Variants in PRKCB observed in about 807,000 individuals in gnomAD.
PRKCB encodes the protein protein kinase C beta type.
Under a neutral mutation model 81.5 loss-of-function variants are expected in PRKCB, and 13 were observed. The ratio of observed to expected loss-of-function variants is 0.16; its 90% CI spans 0.10 to 0.25. The LOEUF is 0.25. PRKCB is among the 10% of genes least tolerant of loss of function. The pLI, the probability that PRKCB is intolerant of heterozygous loss-of-function variation, is 1.00. For synonymous variants in PRKCB, 335 were observed against 321.4 expected (o/e 1.04, Z -0.45); for missense variants, 509 against 875.7 (o/e 0.58, Z 5.29).
chr16:24,219,351 T>C lies in PRKCB; in HGVS notation c.*4535T>C. 2 of 985,196 alleles carry C rather than the reference T, an allele frequency of 2.0e-6. No homozygotes were observed. Among genetic ancestry groups the C allele is most frequent in the Non-Finnish European group, 2.4e-6 (2 of 830,000 alleles). The allele number at this position is 985,196 out of a possible 1,614,324, so 61.0% of individuals were successfully genotyped here. A position where few individuals can be genotyped will look rare whatever the true frequency, so the allele number is the denominator to read the frequency against. ...TTTGTTGACACATGCTAAAAATGTCTTTGGAGAGAACTTCTGCCTGATAAA... is the reference window on the plus strand; with the variant it reads ...TTTGTTGACACATGCTAAAAATGTCCTTGGAGAGAACTTCTGCCTGATAAA... On this transcript the variant is annotated 3_prime_UTR_variant, in exon 17 of 17. Transcript: ENST00000643927.
intron 1 of PRKCB, among the ~76,000 whole-genome samples, chr16:23,836,772 G>GGGGC (rs1420486619): frequency 6.6e-6 from 1 of 151,402 alleles, no homozygotes; most frequent in Admixed American, 6.6e-5. Context: ...TGTTTCCGGG[G>GGGGC]GGGGCGGCGC....
intron 3 of PRKCB, among the ~76,000 whole-genome samples, chr16:24,018,046 C>A (rs1056730012): frequency 7.9e-5 from 12 of 151,520 alleles, no homozygotes; most frequent in Admixed American, 2.6e-4. Context: ...CTACAGGTGC[C>A]CGCCACCACG....
At position 24,216,573 on chromosome 16, in the gene PRKCB, T is replaced by TAAGA; in HGVS notation, c.*1758_*1761dup. On this transcript the variant is annotated 3_prime_UTR_variant, in exon 17 of 17. Transcript: ENST00000643927. ...AACAACTTGACAAATGTCCTTGAAG[T>TAAGA]AAGATGCCTCATCTTTAGGGAAAAA... is the stretch of plus-strand genomic sequence containing the variant. The TAAGA allele has an allele frequency of 1.0e-6, 1 of 985,456 alleles. No individual in the cohort carries two copies. Among genetic ancestry groups the TAAGA allele is most frequent in the South Asian group, 4.7e-5 (1 of 21,286 alleles). 61.0% of individuals were successfully genotyped at this position (985,456 alleles called of 1,614,324 possible).
chr16:23,976,584 G>A (rs1328682485), intron 2 of PRKCB, among the ~76,000 whole-genome samples: 2 of 152,180 alleles, frequency 1.3e-5, no homozygotes, highest in African/African-American at 4.8e-5. Flanking sequence ...GAAGCATGGA[G>A]GATGGGTGCT....
At chr16:24,105,996 A>G (rs1238907980) in intron 7 of PRKCB, among the ~76,000 whole-genome samples, 2 of 147,944 alleles carry the variant, frequency 1.4e-5, no homozygotes, top group South Asian at 4.2e-4. Context: ...TTTTTTTTTC[A>G]TCTCCTTCTA....
chr16:23,923,498 G>A (rs1349411408), intron 2 of PRKCB, among the ~76,000 whole-genome samples: 2 of 152,070 alleles, frequency 1.3e-5, no homozygotes, highest in African/African-American at 2.4e-5. Context: ...TTGGAGTTCC[G>A]GATGGAATTA....
intron 16 of PRKCB, among the ~76,000 whole-genome samples, chr16:24,193,351 A>G (rs968229862): frequency 2.6e-5 from 4 of 151,874 alleles, no homozygotes; most frequent in Admixed American, 6.6e-5. Context: ...AGGCTGAGGC[A>G]GGAGAATCAC....
intron 12 of PRKCB, among the ~76,000 whole-genome samples, chr16:24,175,358 C>T (rs1443324619): frequency 6.6e-6 from 1 of 151,826 alleles, no homozygotes; most frequent in Non-Finnish European, 1.5e-5. Context: ...GTTTGACACA[C>T]ATTTATCAAA....
intron 2 of PRKCB, among the ~76,000 whole-genome samples, chr16:23,924,572 A>T (rs1963872008): frequency 6.6e-6 from 1 of 151,760 alleles, no homozygotes; most frequent in East Asian, 1.9e-4. Flanking sequence ...ATATTAATTA[A>T]TTTTTCAATA....
intron 5 of PRKCB, among the ~76,000 whole-genome samples, chr16:24,052,715 G>C (rs150847040): frequency 1.3e-5 from 2 of 152,316 alleles, no homozygotes; most frequent in African/African-American, 2.4e-5. Context: ...ACTGTATAAT[G>C]AGCAGCAAAG....
At chr16:24,009,319 A>G (rs755477412) in intron 3 of PRKCB, among the ~76,000 whole-genome samples, 1 of 152,222 alleles carries the variant, frequency 6.6e-6, no homozygotes, top group Non-Finnish European at 1.5e-5. Flanking sequence ...AGACATACAA[A>G]TGACCAAAAG....
intron 3 of PRKCB, among the ~76,000 whole-genome samples, chr16:24,008,397 C>G (rs552816521): frequency 3.2e-4 from 49 of 152,338 alleles, no homozygotes; most frequent in Middle Eastern, 3.4e-3. Context: ...GTGTGGACAT[C>G]TCTCCCAAAC....
intron 3 of PRKCB, among the ~76,000 whole-genome samples, chr16:24,024,032 G>T (rs1187860352): frequency 6.6e-6 from 1 of 152,208 alleles, no homozygotes; most frequent in Non-Finnish European, 1.5e-5. Flanking sequence ...AGATGGAATT[G>T]GAAGGCAGGA....
intron 16 of PRKCB, among the ~76,000 whole-genome samples, chr16:24,210,803 G>A (rs983316985): frequency 6.6e-6 from 1 of 152,072 alleles, no homozygotes; most frequent in African/African-American, 2.4e-5. Flanking sequence ...CCCGGCCTTG[G>A]CTTTATTTTT....
intron 2 of PRKCB, among the ~76,000 whole-genome samples, chr16:23,881,515 G>A (rs933410029): frequency 1.3e-5 from 2 of 152,082 alleles, no homozygotes; most frequent in Non-Finnish European, 2.9e-5. Flanking sequence ...GCCTCCCAAA[G>A]TGCTGGGATT....
chr16:24,178,650 G>A lies in PRKCB; in HGVS notation c.1395-2140G>A, dbSNP rs75219518. 6.6e-3 allele frequency among the ~76,000 whole-genome samples: 1,008 copies of A among 152,264 alleles called. 11 individuals are homozygous for A. The highest frequency in any genetic ancestry group is 0.023 in the African/African-American group (939 of 41,542). Reference sequence around the variant, plus strand: ...GTTCCAAACTTTCACACAAATCATGGTGGCTTGTAGATGAGCATGAAGGCT... The same window carrying A: ...GTTCCAAACTTTCACACAAATCATGATGGCTTGTAGATGAGCATGAAGGCT... On this transcript the variant is annotated intron_variant, in intron 12 of 16. Transcript: ENST00000643927.
chr16:23,995,381 T>C (rs1278332517), intron 3 of PRKCB, among the ~76,000 whole-genome samples: 1 of 152,204 alleles, frequency 6.6e-6, no homozygotes, highest in African/African-American at 2.4e-5. Context: ...GGTGGTTGGT[T>C]AGTGGCAGAG....
At chr16:23,995,286 C>T (rs539110571) in intron 3 of PRKCB, among the ~76,000 whole-genome samples, 2 of 152,220 alleles carry the variant, frequency 1.3e-5, no homozygotes, top group Admixed American at 6.5e-5. Flanking sequence ...CAGTAGGGCC[C>T]AGAACAGTAG....
At chr16:24,175,498 A>T (rs1013910530) in intron 12 of PRKCB, among the ~76,000 whole-genome samples, 2 of 151,860 alleles carry the variant, frequency 1.3e-5, no homozygotes, top group Non-Finnish European at 2.9e-5. Flanking sequence ...ATAAAAACAT[A>T]GTCTGCCAAG....
Sources: allele counts gnomAD v4.1 joint callset (sites outside exome capture counted in the v4.1 genomes callset), GRCh38; gene constraint gnomAD v4.1.1; transcripts MANE v1.5; gene names NCBI Gene and HGNC (gene_info 2026-07-23, HGNC 2026-07-21).